PPP6R3: variants seen among roughly 807,000 people sequenced by gnomAD.
The protein encoded by PPP6R3 is protein phosphatase 6 regulatory subunit 3.
A neutral mutation model predicts 110.7 loss-of-function variants in PPP6R3; 38 were observed. That is an observed-to-expected ratio of 0.34 (90% CI 0.26 to 0.45). The LOEUF is 0.45. PPP6R3 is among the 20% of genes least tolerant of loss of function. PPP6R3 has a pLI of 1.00. For synonymous variants in PPP6R3, 369 were observed against 373.5 expected (o/e 0.99, Z 0.14); for missense variants, 870 against 1,062.4 (o/e 0.82, Z 2.52).
intron 2 of PPP6R3, among the ~76,000 whole-genome samples, chr11:68,536,636 C>G (rs1228580592): frequency 6.6e-6 from 1 of 152,124 alleles, no homozygotes; most frequent in Non-Finnish European, 1.5e-5. Flanking sequence ...TTCCTTTTAC[C>G]TAGGCTCTTT....
chr11:68,594,781 C>CT (rs2153893131), intron 18 of PPP6R3, among the ~76,000 whole-genome samples: 1 of 152,274 alleles, frequency 6.6e-6, no homozygotes, highest in South Asian at 2.1e-4. Flanking sequence ...CAAAGCAACT[C>CT]TTATAGAGAA....
At position 68,505,654 on chromosome 11, in the gene PPP6R3, T is replaced by TA. The variant is rs140363232; in HGVS notation, c.-157-13845dup. ...CTGATTACTTTTCACCAACCTAATATAAGTAGTTAAAATTAATTTAAAATT... is the reference window on the plus strand; with the variant it reads ...CTGATTACTTTTCACCAACCTAATATAAAGTAGTTAAAATTAATTTAAAATT... On this transcript the variant is annotated intron_variant, in intron 1 of 23. Coordinates refer to ENST00000393800, the MANE Select transcript of PPP6R3 (RefSeq NM_001164161.2). 7.8e-3 allele frequency among the ~76,000 whole-genome samples: 1,191 copies of TA among 152,212 alleles called. 17 individuals carry two copies. The highest frequency in any genetic ancestry group is 0.027 in the African/African-American group (1,126 of 41,530).
intron 18 of PPP6R3, among the ~76,000 whole-genome samples, chr11:68,592,538 C>T (rs527239893): frequency 6.6e-6 from 1 of 152,294 alleles, no homozygotes; most frequent in South Asian, 2.1e-4. Flanking sequence ...CTTGTTGCCA[C>T]AGGTTATAGC....
rs554642604 is a variant in PPP6R3, at chr11:68,598,943, C to T, written c.2039-1398C>T. Among the ~76,000 whole-genome samples the T allele has an allele frequency of 4.1e-4, 62 of 152,242 alleles. No homozygotes were observed. In the South Asian group the frequency reaches 0.011, roughly 26 times the overall value. ...AGGTAGGTGGGCAAGAAGCATGGAG[C>T]GCACCCTAATTAAATGCCTACTCTG... is the stretch of plus-strand genomic sequence containing the variant. On this transcript the variant is annotated intron_variant, in intron 19 of 23. Coordinates refer to ENST00000393800, the MANE Select transcript of PPP6R3 (RefSeq NM_001164161.2).
chr11:68,596,061 A>G, intron 18 of PPP6R3, 36 bp from the exon 19 acceptor site: 2 of 1,612,808 alleles, frequency 1.2e-6, no homozygotes, highest in East Asian at 4.5e-5. Flanking sequence ...GTGGCTGATA[A>G]GCAGTGTTAA....
At chr11:68,493,410 G>A (rs1295913862) in intron 1 of PPP6R3, among the ~76,000 whole-genome samples, 1 of 151,710 alleles carries the variant, frequency 6.6e-6, no homozygotes. Context: ...ATGAGATTAT[G>A]TAATCAAAAG....
At chr11:68,555,870 C>T (rs755422565) in intron 7 of PPP6R3, among the ~76,000 whole-genome samples, 4 of 152,204 alleles carry the variant, frequency 2.6e-5, no homozygotes, top group Non-Finnish European at 4.4e-5. Context: ...GAAAATCTGT[C>T]ATAGTGCTTC....
At position 68,591,699 on chromosome 11, in the gene PPP6R3, C is replaced by T; in HGVS notation, c.1909C>T (p.Arg637Ter). The stretch of plus-strand genomic sequence containing the variant: ...CGCATTCACACCAGAATCCCAAAGA[C>T]GATCCAGGTGAAAGATAGTTGGTTA... ...HIAFTPESQRRSSSGSTDSEE... is the reference protein window; with the variant it reads ...HIAFTPESQR Residue 637 changes from arginine to a stop codon, truncating the protein, a stop_gained, in exon 18 of 24, where the codon CGA becomes TGA. Coordinates refer to ENST00000393800, the MANE Select transcript of PPP6R3 (RefSeq NM_001164161.2). LOFTEE classifies it high-confidence loss of function. 6.2e-7 allele frequency: 1 copy of T among 1,609,072 alleles called. No homozygotes were observed. The highest frequency in any genetic ancestry group is 8.5e-7 in the Non-Finnish European group (1 of 1,178,442).
chr11:68,525,709 T>C lies in PPP6R3; in HGVS notation c.-7+6058T>C, dbSNP rs543825828. ...CCAATCTGTCTTTCATTATAGAATTTGATAGCTCTTAATCTGAAGACTGCT... is the reference window on the plus strand; with the variant it reads ...CCAATCTGTCTTTCATTATAGAATTCGATAGCTCTTAATCTGAAGACTGCT... On this transcript the variant is annotated intron_variant, in intron 2 of 23. Transcript: ENST00000393800. Among the ~76,000 whole-genome samples, 27 of 152,334 alleles carry C rather than the reference T, an allele frequency of 1.8e-4. No homozygotes were observed. The South Asian group carries it at 5.6e-3, about 32-fold the overall frequency.
intron 1 of PPP6R3, among the ~76,000 whole-genome samples, chr11:68,496,075 G>C (rs775174313): frequency 2.0e-5 from 3 of 151,910 alleles, no homozygotes; most frequent in Non-Finnish European, 4.4e-5. Flanking sequence ...TGATAGCCTT[G>C]ACCTCCTGGG....
chr11:68,591,072 T>C (rs1029656403), intron 17 of PPP6R3, among the ~76,000 whole-genome samples: 1 of 152,266 alleles, frequency 6.6e-6, no homozygotes, highest in Admixed American at 6.5e-5. Context: ...ACTAGGCATT[T>C]CTGTGGAAAC....
chr11:68,608,991 G>A (rs1463882031), intron 22 of PPP6R3, among the ~76,000 whole-genome samples: 1 of 152,032 alleles, frequency 6.6e-6, no homozygotes, highest in African/African-American at 2.4e-5. Flanking sequence ...ATCTGGAAAC[G>A]ACCCAAGAAT....
chr11:68,596,882 C>T (rs1252712327), intron 19 of PPP6R3, among the ~76,000 whole-genome samples: 3 of 152,196 alleles, frequency 2.0e-5, no homozygotes, highest in Admixed American at 6.5e-5. Flanking sequence ...ATGTTCATCC[C>T]AGAGGCTGAA....
intron 13 of PPP6R3, 29 bp from the exon 14 acceptor site, chr11:68,575,929 A>G (rs1163449450): frequency 2.0e-6 from 3 of 1,528,242 alleles, no homozygotes; most frequent in Non-Finnish European, 1.8e-6. Flanking sequence ...TTGTGGTGAT[A>G]ATGCTTTTTT....
At chr11:68,558,406 C>T (rs2099407345) in intron 7 of PPP6R3, 160 bp from the exon 8 acceptor site, 1 of 474,034 alleles carries the variant, frequency 2.1e-6, no homozygotes, top group African/African-American at 2.0e-5. Context: ...TAAATAGGAT[C>T]AATTGCCTAC....
chr11:68,604,941 A>C (rs945395749), intron 22 of PPP6R3, among the ~76,000 whole-genome samples: 2 of 152,192 alleles, frequency 1.3e-5, no homozygotes, highest in African/African-American at 4.8e-5. Context: ...TTTTCATGGA[A>C]ATTGAGAAAC....
chr11:68,475,377 A>G (rs2098821525), intron 1 of PPP6R3, among the ~76,000 whole-genome samples: 1 of 152,056 alleles, frequency 6.6e-6, no homozygotes, highest in South Asian at 2.1e-4. Flanking sequence ...CCCCTTTTCT[A>G]TTCCACAAAA....
intron 4 of PPP6R3, among the ~76,000 whole-genome samples, chr11:68,546,280 C>T (rs1270291125): frequency 6.6e-6 from 1 of 152,112 alleles, no homozygotes; most frequent in Non-Finnish European, 1.5e-5. Context: ...TGGAAGCCAT[C>T]CTATCACCCT....
chr11:68,594,195 T>C (rs966334918), intron 18 of PPP6R3, among the ~76,000 whole-genome samples: 1 of 151,802 alleles, frequency 6.6e-6, no homozygotes, highest in Non-Finnish European at 1.5e-5. Context: ...ATAGCAACTT[T>C]AAATGTTTAC....
Sources: allele counts gnomAD v4.1 joint callset (sites outside exome capture counted in the v4.1 genomes callset), GRCh38; gene constraint gnomAD v4.1.1; transcripts MANE v1.5; gene names NCBI Gene and HGNC (gene_info 2026-07-23, HGNC 2026-07-21).